The following POU2AF1 variants were observed in gnomAD, a reference collection of about 807,000 sequenced individuals.
The protein encoded by POU2AF1 is POU domain class 2-associating factor 1.
In POU2AF1, 12 loss-of-function variants were observed where a neutral mutation model predicts 26.3. The ratio of observed to expected loss-of-function variants is 0.46; its 90% CI spans 0.29 to 0.74. POU2AF1 has a LOEUF of 0.74. Ranked by LOEUF, POU2AF1 falls within the 30% of genes least tolerant of loss-of-function variation. The probability of loss-of-function intolerance (pLI) is 0.09; values close to 1 mark genes in which losing one functional copy is unlikely to be tolerated. For synonymous variants in POU2AF1, 175 were observed against 148.0 expected (o/e 1.18, Z -1.32); for missense variants, 297 against 334.5 (o/e 0.89, Z 0.87).
At chr11:111,362,263 G>A (rs1301959289) in intron 1 of POU2AF1, among the ~76,000 whole-genome samples, 1 of 152,156 alleles carries the variant, frequency 6.6e-6, no homozygotes, top group African/African-American at 2.4e-5. Flanking sequence ...TCACATCAGG[G>A]TAAATAAAGC....
chr11:111,379,243 G>T lies in POU2AF1; in HGVS notation c.-66C>A. On this transcript the variant is annotated 5_prime_UTR_variant, in exon 1 of 5. Transcript: ENST00000393067. ...AGTTTGGCTTCTTTAATGTGAGACC[G>T]GGGTGTGTTTTCCTCCAGTGGAGCC... 6.2e-7 allele frequency: 1 copy of T among 1,604,502 alleles called. No individual in the cohort carries two copies. The highest frequency in any genetic ancestry group is 8.5e-7 in the Non-Finnish European group (1 of 1,171,270).
rs752826175 is a variant in POU2AF1, at chr11:111,353,529, G to C, written c.*732C>G. On this transcript the variant is annotated 3_prime_UTR_variant, in exon 5 of 5. Coordinates refer to ENST00000393067, the MANE Select transcript of POU2AF1 (RefSeq NM_006235.3). ...CCAGGCCTTGAGATTTTGCTGCCTG[G>C]ACTGTAAATCTGGCCGAGGCTGAGA... 6.9e-5 allele frequency: 16 copies of C among 233,446 alleles called. No individual in the cohort carries two copies. The highest frequency in any genetic ancestry group is 1.2e-4 in the Non-Finnish European group (14 of 118,318). The allele number at this position is 233,446 out of a possible 1,614,324, so 14.5% of individuals were successfully genotyped here.
At chr11:111,363,077 A>C in intron 1 of POU2AF1, 14 of 945,948 alleles carry the variant, frequency 1.5e-5, no homozygotes, top group Non-Finnish European at 1.7e-5. Flanking sequence ...TGCTGTGGAC[A>C]GAGAGTATCA....
At chr11:111,360,204 T>C (rs1172507573) in intron 1 of POU2AF1, among the ~76,000 whole-genome samples, 1 of 152,048 alleles carries the variant, frequency 6.6e-6, no homozygotes, top group Non-Finnish European at 1.5e-5. Context: ...AGAGCAGGCC[T>C]GGGTCAGCCA....
In POU2AF1 at chr11:111,353,047, A is replaced by T; in HGVS notation, c.*1214T>A. ...GAAGGAAGGAAGGAAGGAAGGAAGG[A>T]AGGAAGGAAAGAAACAAAACCCACA... On this transcript the variant is annotated 3_prime_UTR_variant, in exon 5 of 5. Transcript: ENST00000393067. 1 of 182,122 alleles carries T rather than the reference A, an allele frequency of 5.5e-6. No individual in the cohort carries two copies. Among genetic ancestry groups the T allele is most frequent in the Middle Eastern group, 1.8e-3 (1 of 562 alleles). 11.3% of individuals were successfully genotyped at this position (182,122 alleles called of 1,614,324 possible). A position where few individuals can be genotyped will look rare whatever the true frequency, so the allele number is the denominator to read the frequency against.
At chr11:111,375,612 G>C (rs1267801512) in intron 1 of POU2AF1, among the ~76,000 whole-genome samples, 1 of 151,936 alleles carries the variant, frequency 6.6e-6, no homozygotes, top group Non-Finnish European at 1.5e-5. Flanking sequence ...TGTTAGCCAG[G>C]ATGGTCTCGA....
At chr11:111,362,631 A>G (rs1037732997) in intron 1 of POU2AF1, among the ~76,000 whole-genome samples, 1 of 152,190 alleles carries the variant, frequency 6.6e-6, no homozygotes. Flanking sequence ...ATGCTGTTGC[A>G]CACGTCAGTT....
In POU2AF1 at chr11:111,358,613, G is replaced by T. The variant is rs61896826; in HGVS notation, c.147+175C>A. 0.64 allele frequency among the ~76,000 whole-genome samples: 92,963 copies of T among 144,526 alleles called. 30,170 individuals carry two copies. The highest frequency in any genetic ancestry group is 0.76 in the Admixed American group (11,284 of 14,822). 94.8% of individuals were successfully genotyped at this position (144,526 alleles called of 152,430 possible). A position where few individuals can be genotyped will look rare whatever the true frequency, so the allele number is the denominator to read the frequency against. ...ACACACACATACACTCTCACACACT[G>T]ACGCAGATACACATTCTCTCTCACA... On this transcript the variant is annotated intron_variant, in intron 2 of 4. Coordinates refer to ENST00000393067, the MANE Select transcript of POU2AF1 (RefSeq NM_006235.3).
intron 1 of POU2AF1, among the ~76,000 whole-genome samples, chr11:111,377,017 T>A (rs45484195): frequency 0.051 from 7,828 of 152,162 alleles, 293 homozygotes; most frequent in Non-Finnish European, 0.081. Context: ...TGGTCTCCCT[T>A]ACAATGGAGT....
At chr11:111,369,976 A>G (rs896809756) in intron 1 of POU2AF1, among the ~76,000 whole-genome samples, 2 of 152,178 alleles carry the variant, frequency 1.3e-5, no homozygotes, top group African/African-American at 4.8e-5. Context: ...AAAGAGCTTT[A>G]TTGAAAAAAC....
intron 1 of POU2AF1, among the ~76,000 whole-genome samples, chr11:111,365,502 C>A (rs929970320): frequency 6.6e-6 from 1 of 152,178 alleles, no homozygotes; most frequent in Middle Eastern, 3.4e-3. Context: ...ATGGAAATAT[C>A]TTCTGCTGTT....
chr11:111,372,090 A>AGAGAGAGAGAGAGAGAG (rs1861224629), intron 1 of POU2AF1, among the ~76,000 whole-genome samples: 1 of 140,840 alleles, frequency 7.1e-6, no homozygotes, highest in African/African-American at 2.6e-5. Flanking sequence ...AGAGAGAGAG[A>AGAGAGAGAGAGAGAGAG]TGAAGGAGCA....
intron 1 of POU2AF1, among the ~76,000 whole-genome samples, chr11:111,367,165 G>A (rs1351031891): frequency 2.0e-5 from 3 of 151,962 alleles, no homozygotes; most frequent in African/African-American, 4.8e-5. Flanking sequence ...GGCACTCTCC[G>A]CACCTTCCAC....
At chr11:111,372,036 ACACAC>A (rs1861219600) in intron 1 of POU2AF1, among the ~76,000 whole-genome samples, 1 of 110,452 alleles carries the variant, frequency 9.1e-6, no homozygotes, top group Admixed American at 8.7e-5. Flanking sequence ...AAATACACAC[ACACAC>A]ACACACACAC....
Position 111,354,589 on chromosome 11 carries a change from A to G in POU2AF1, c.457-14T>C. On this transcript the variant is annotated splice_polypyrimidine_tract_variant and intron_variant, in intron 4 of 4. Transcript: ENST00000393067. ...GGAGCTTCTTGTCTGTGACAGGAAA[A>G]CACGTGACAGAGGGTTAGCAGCCCC... The G allele has an allele frequency of 6.6e-7, 1 of 1,505,922 alleles. No homozygotes were observed. The highest frequency in any genetic ancestry group is 8.8e-7 in the Non-Finnish European group (1 of 1,132,682). The allele number at this position is 1,505,922 out of a possible 1,614,324, so 93.3% of individuals were successfully genotyped here. A position where few individuals can be genotyped will look rare whatever the true frequency, so the allele number is the denominator to read the frequency against.
chr11:111,363,380 A>C (rs1319568979), intron 1 of POU2AF1: 7 of 1,019,628 alleles, frequency 6.9e-6, no homozygotes, highest in Non-Finnish European at 7.1e-6. Context: ...AAAGGAGCCC[A>C]ACGGCCAAGT....
intron 4 of POU2AF1, among the ~76,000 whole-genome samples, chr11:111,357,148 A>G (rs958128907): frequency 2.6e-5 from 4 of 152,142 alleles, no homozygotes; most frequent in Non-Finnish European, 5.9e-5. Context: ...ACTTCAACTC[A>G]GAACCAAGAC....
At chr11:111,372,516 G>A (rs773054421) in intron 1 of POU2AF1, among the ~76,000 whole-genome samples, 1 of 152,238 alleles carries the variant, frequency 6.6e-6, no homozygotes, top group African/African-American at 2.4e-5. Flanking sequence ...AGGGAGACAG[G>A]ACAGCTTAGC....
rs1860745040 is a variant in POU2AF1 at position 111,352,549 on chromosome 11, C to G, written c.*1712G>C. 1 of 181,304 alleles carries G rather than the reference C, an allele frequency of 5.5e-6. No homozygotes were observed. Among genetic ancestry groups the G allele is most frequent in the South Asian group, 2.0e-4 (1 of 5,058 alleles). 11.2% of individuals were successfully genotyped at this position (181,304 alleles called of 1,614,324 possible). On this transcript the variant is annotated 3_prime_UTR_variant, in exon 5 of 5. Transcript: ENST00000393067. ...CTAATGGTACTTCTGGCTGAGGCTCCAGAGGTCCCCAGGAGGGAGGGTGTT... is the reference window on the plus strand; with the variant it reads ...CTAATGGTACTTCTGGCTGAGGCTCGAGAGGTCCCCAGGAGGGAGGGTGTT...
Sources: allele counts gnomAD v4.1 joint callset (sites outside exome capture counted in the v4.1 genomes callset), GRCh38; gene constraint gnomAD v4.1.1; transcripts MANE v1.5; gene names NCBI Gene and HGNC (gene_info 2026-07-23, HGNC 2026-07-21).